AMZ1: variants seen among roughly 807,000 people sequenced by gnomAD.
The protein encoded by AMZ1 is archaelysin family metallopeptidase 1.
A neutral mutation model predicts 29.9 loss-of-function variants in AMZ1; 39 were observed. The ratio of observed to expected loss-of-function variants is 1.30; its 90% confidence interval spans 1.01 to 1.70. The LOEUF (loss-of-function observed/expected upper bound fraction) is 1.70. Among genes scored for constraint, AMZ1 ranks in the 40% most tolerant of loss-of-function variants. The pLI is 0.00. For synonymous variants in AMZ1, 458 were observed against 304.0 expected (o/e 1.51, Z -5.27); for missense variants, 1,041 against 680.6 (o/e 1.53, Z -5.89).
At chr7:2,710,866 A>C (rs1387604067) in intron 6 of AMZ1, among the ~76,000 whole-genome samples, 1 of 152,194 alleles carries the variant, frequency 6.6e-6, no homozygotes, top group African/African-American at 2.4e-5. Context: ...TGCCTTGTAA[A>C]GGTTGCTGCT....
chr7:2,763,342 C>G (rs769489310), upstream of AMZ1: 1 of 158,288 alleles, frequency 6.3e-6, no homozygotes, highest in South Asian at 2.0e-4. Context: ...GGTGCGCCCT[C>G]GGCACAGTTT....
At chr7:2,696,407 C>T (rs1047509357) in intron 1 of AMZ1, among the ~76,000 whole-genome samples, 4 of 151,376 alleles carry the variant, frequency 2.6e-5, no homozygotes, top group South Asian at 2.1e-4. Context: ...CAGGCGCCCG[C>T]CACCACGCCT....
intron 4 of AMZ1, among the ~76,000 whole-genome samples, chr7:2,757,153 T>G (rs1791343035): frequency 8.3e-6 from 1 of 120,048 alleles, no homozygotes; most frequent in Non-Finnish European, 1.8e-5. Flanking sequence ...TTTTTTTTTT[T>G]GAGACGGAGT....
Position 2,745,210 on chromosome 7 carries a change from A to G in AMZ1, n.551-19502A>G, listed in dbSNP as rs146214254. ...CTTGAGAAAGGCAACTCCAAGACAC[A>G]TAATTGTCAGATTCACCAAAGTTGA... On this transcript the variant is annotated intron_variant and non_coding_transcript_variant, in intron 4 of 4. Coordinates refer to the AMZ1 transcript ENST00000489665. 2.7e-3 allele frequency among the ~76,000 whole-genome samples: 410 copies of G among 152,348 alleles called. 2 individuals carry two copies. Among genetic ancestry groups the G allele is most frequent in the African/African-American group, 9.5e-3 (394 of 41,588 alleles).
rs149587010 is a variant in AMZ1, at chr7:2,709,740, G to C, written c.872G>C (p.Arg291Pro). The C allele has an allele frequency of 2.5e-6, 4 of 1,611,526 alleles. No individual in the cohort carries two copies. Among genetic ancestry groups the C allele is most frequent in the South Asian group, 1.1e-5 (1 of 91,012 alleles). The change falls in exon 6 of 7, where the codon CGG becomes CCG. Residue 291 changes from arginine to proline, a missense_variant. Coordinates refer to ENST00000683327, the MANE Select transcript of AMZ1 (RefSeq NM_001384743.1). Reference sequence around the variant, plus strand: ...CTCAGCCTGGACGAGGCCCTGCGGCGGCCCCTGGACCTCTGTCCCATCTGC... The same window carrying C: ...CTCAGCCTGGACGAGGCCCTGCGGCCGCCCCTGGACCTCTGTCCCATCTGC... ...GALSLDEALR[R>P]PLDLCPICLR...
At chr7:2,700,068 C>T (rs755425754) in intron 1 of AMZ1, among the ~76,000 whole-genome samples, 166 bp from the exon 2 acceptor site, 3 of 151,504 alleles carry the variant, frequency 2.0e-5, no homozygotes, top group Non-Finnish European at 2.9e-5. Flanking sequence ...CTTCCAACCT[C>T]GCTGGGTGGC....
intron 4 of AMZ1, among the ~76,000 whole-genome samples, chr7:2,737,580 C>T (rs117808508): frequency 0.026 from 3,896 of 152,230 alleles, 122 homozygotes; most frequent in Middle Eastern, 0.075. Context: ...TGAGCCACAG[C>T]GCCCGGCCCT....
chr7:2,746,175 A>G (rs1790754233), intron 4 of AMZ1, among the ~76,000 whole-genome samples: 1 of 152,254 alleles, frequency 6.6e-6, no homozygotes, highest in Non-Finnish European at 1.5e-5. Flanking sequence ...CAGACCTAAT[A>G]GACATCTACG....
chr7:2,742,291 C>T (rs543615233), intron 4 of AMZ1, among the ~76,000 whole-genome samples: 1 of 152,232 alleles, frequency 6.6e-6, no homozygotes. Context: ...GCTGGGATTA[C>T]AGGTGTGAGC....
At chr7:2,711,059 C>A (rs529782215) in intron 6 of AMZ1, among the ~76,000 whole-genome samples, 4 of 152,238 alleles carry the variant, frequency 2.6e-5, no homozygotes, top group Non-Finnish European at 5.9e-5. Context: ...ACGTGCTGAC[C>A]TGGCATAGCC....
At chr7:2,762,914 C>T (rs1791635267), upstream of AMZ1, 7 of 1,415,896 alleles carry the variant, frequency 4.9e-6, no homozygotes, top group Non-Finnish European at 6.5e-6. Context: ...GAGAAGAGGC[C>T]ACAGGCGGGG....
intron 4 of AMZ1, among the ~76,000 whole-genome samples, chr7:2,741,336 C>A (rs939011023): frequency 2.6e-5 from 4 of 152,090 alleles, no homozygotes; most frequent in African/African-American, 9.7e-5. Context: ...GCCTGGGCAA[C>A]AGAGTGAGAC....
rs1313506120 is a variant in AMZ1 at position 2,700,420 on chromosome 7, TC to T, written c.-29del. On this transcript the variant is annotated 5_prime_UTR_variant, in exon 2 of 7. Coordinates refer to ENST00000683327, the MANE Select transcript of AMZ1 (RefSeq NM_001384743.1). ...GTGGCCCATGGACAGCAGCAGGGGC[TC>T]CCAGGAGTGGCCAGGCCCTGCCCGC... is the stretch of plus-strand genomic sequence containing the variant. 1 of 1,581,628 alleles carries T rather than the reference TC, an allele frequency of 6.3e-7. No individual in the cohort carries two copies. Among genetic ancestry groups the T allele is most frequent in the Non-Finnish European group, 8.6e-7 (1 of 1,169,586 alleles).
chr7:2,758,204 G>C (rs1791391994), intron 4 of AMZ1, among the ~76,000 whole-genome samples: 1 of 152,174 alleles, frequency 6.6e-6, no homozygotes, highest in South Asian at 2.1e-4. Flanking sequence ...TACAGTATTA[G>C]AAATGAAAAC....
intron 3 of AMZ1, among the ~76,000 whole-genome samples, chr7:2,706,803 C>G (rs1442380342): frequency 2.7e-5 from 4 of 146,880 alleles, no homozygotes; most frequent in Non-Finnish European, 4.4e-5. Context: ...GGGACATAGC[C>G]TGATCCACAA....
intron 4 of AMZ1, among the ~76,000 whole-genome samples, chr7:2,727,364 G>A (rs1033917505): frequency 6.6e-6 from 1 of 152,164 alleles, no homozygotes; most frequent in Non-Finnish European, 1.5e-5. Flanking sequence ...ACAGGCATGA[G>A]CCACTGCGCC....
At chr7:2,754,478 C>CA (rs1197449636) in intron 4 of AMZ1, among the ~76,000 whole-genome samples, 1 of 151,936 alleles carries the variant, frequency 6.6e-6, no homozygotes, top group African/African-American at 2.4e-5. Flanking sequence ...CACGGTGGCT[C>CA]ACCCCTGTAA....
intron 3 of AMZ1, among the ~76,000 whole-genome samples, chr7:2,704,483 TA>T (rs34393404): frequency 0.74 from 110,335 of 149,808 alleles, 40,682 homozygotes; most frequent in South Asian, 0.87. Context: ...ACCCGATCAT[TA>T]AAAAAAAATC....
chr7:2,751,950 T>G (rs1791061678), intron 4 of AMZ1, among the ~76,000 whole-genome samples: 3 of 152,142 alleles, frequency 2.0e-5, no homozygotes, highest in African/African-American at 7.2e-5. Flanking sequence ...CTAACGAACG[T>G]GAACTTTTTC....
Sources: gnomAD v4.1 joint callset for allele counts (sites outside exome capture counted in the v4.1 genomes callset) on GRCh38, gnomAD v4.1.1 for gene constraint, MANE v1.5 for transcripts, NCBI Gene and HGNC (gene_info 2026-07-23, HGNC 2026-07-21) for gene names.